Variants in THSD7A observed in about 807,000 individuals in gnomAD.
The protein encoded by THSD7A is thrombospondin type-1 domain-containing protein 7A.
A neutral mutation model predicts 231.3 loss-of-function variants in THSD7A; 96 were observed. The observed-to-expected ratio is 0.41, with a 90% CI of 0.35 to 0.49. THSD7A has a LOEUF of 0.49. Ranked by LOEUF, THSD7A falls within the 20% of genes least tolerant of loss-of-function variation. The probability of loss-of-function intolerance (pLI) is 0.05; values close to 1 mark genes in which losing one functional copy is unlikely to be tolerated. For synonymous variants in THSD7A, 940 were observed against 743.3 expected (o/e 1.26, Z -4.30); for missense variants, 2,290 against 2,070.2 (o/e 1.11, Z -2.06).
chr7:11,765,039 A>T (rs1782988612), intron 1 of THSD7A, among the ~76,000 whole-genome samples: 1 of 152,036 alleles, frequency 6.6e-6, no homozygotes, highest in Non-Finnish European at 1.5e-5. Flanking sequence ...AATATGTGGC[A>T]TAAGAAATGT....
intron 1 of THSD7A, among the ~76,000 whole-genome samples, chr7:11,783,816 T>A (rs1432632162): frequency 6.6e-6 from 1 of 152,134 alleles, no homozygotes; most frequent in Non-Finnish European, 1.5e-5. Context: ...ACTGCCTTCT[T>A]AATTAATATA....
At chr7:11,420,713 A>C (rs1784115407) in intron 16 of THSD7A, among the ~76,000 whole-genome samples, 1 of 152,198 alleles carries the variant, frequency 6.6e-6, no homozygotes, top group African/African-American at 2.4e-5. Context: ...GACAGCTTGC[A>C]CTGTGCACCT....
In THSD7A at chr7:11,760,253, A is replaced by C. The variant is rs369537604; in HGVS notation, c.190+71504T>G. 2.0e-5 allele frequency among the ~76,000 whole-genome samples: 3 copies of C among 152,128 alleles called. No homozygotes were observed. The South Asian group carries it at 6.2e-4, about 31-fold the overall frequency. On this transcript the variant is annotated intron_variant, in intron 1 of 27. Transcript: ENST00000423059. Reference sequence around the variant, plus strand: ...GGGAGATTTAGATGGATACAAGTAAAGTTAAGTACATTTGCACTGAGGCAA... The same window carrying C: ...GGGAGATTTAGATGGATACAAGTAACGTTAAGTACATTTGCACTGAGGCAA...
intron 1 of THSD7A, among the ~76,000 whole-genome samples, chr7:11,686,560 G>GT (rs749009312): frequency 2.0e-5 from 3 of 151,820 alleles, no homozygotes; most frequent in Non-Finnish European, 4.4e-5. Context: ...ACAATTCACA[G>GT]TAGTAAAGAC....
In THSD7A at chr7:11,818,762, T is replaced by C. The variant is rs1583316238; in HGVS notation, c.190+12995A>G. 8.5e-5 allele frequency among the ~76,000 whole-genome samples: 13 copies of C among 152,324 alleles called. No homozygotes were observed. In the South Asian group the frequency reaches 2.3e-3, roughly 27 times the overall value. On this transcript the variant is annotated intron_variant, in intron 1 of 27. Transcript: ENST00000423059. The stretch of plus-strand genomic sequence containing the variant: ...AGGCTTAACTTAATCTTTATTATAT[T>C]TGCCTATTTCCTTCTACTTTGGGAT...
At chr7:11,534,807 T>A (rs1234772621) in intron 6 of THSD7A, among the ~76,000 whole-genome samples, 2 of 152,200 alleles carry the variant, frequency 1.3e-5, no homozygotes, top group Non-Finnish European at 2.9e-5. Context: ...ATAACTAAAC[T>A]CCTGCCTAAT....
rs1396718226 is a variant in THSD7A, at chr7:11,446,443, T to G, written c.2801-119A>C. 8.7e-7 allele frequency: 1 copy of G among 1,148,640 alleles called. No individual in the cohort carries two copies. Among genetic ancestry groups the G allele is most frequent in the Non-Finnish European group, 1.2e-6 (1 of 814,574 alleles). 71.2% of individuals were successfully genotyped at this position (1,148,640 alleles called of 1,614,324 possible). ...CTTCATTTTTAACCATATTTAACAG[T>G]AGCCTATAAATCAATGCTATTTTCT... On this transcript the variant is annotated intron_variant, in intron 12 of 27. Coordinates refer to ENST00000423059, the MANE Select transcript of THSD7A (RefSeq NM_015204.3). The surrounding 1 kb of genome is among the most constrained non-coding windows in gnomAD (Gnocchi z 4.0).
chr7:11,620,057 A>G (rs1246133779), intron 2 of THSD7A, among the ~76,000 whole-genome samples: 1 of 152,202 alleles, frequency 6.6e-6, no homozygotes. Flanking sequence ...GGGTTGACAA[A>G]CGTGATCAAT....
intron 6 of THSD7A, among the ~76,000 whole-genome samples, chr7:11,508,685 G>T (rs1787661854): frequency 6.6e-6 from 1 of 152,160 alleles, no homozygotes; most frequent in African/African-American, 2.4e-5. Flanking sequence ...TCAACATGTG[G>T]TAACAACCTA....
chr7:11,476,553 G>A (rs982755479), intron 7 of THSD7A, among the ~76,000 whole-genome samples: 9 of 151,700 alleles, frequency 5.9e-5, no homozygotes, highest in African/African-American at 9.6e-5. Flanking sequence ...ACAGTGGCTC[G>A]TGCCTGTACT....
rs1011013977 is a variant in THSD7A, at chr7:11,401,701, C to T, written c.4411+94G>A. ...CGTTGGGATTACAGGCGTGAGCCAC[C>T]GCACGTGGCCAACTTTGTTTATTTT... On this transcript the variant is annotated intron_variant, in intron 23 of 27. Coordinates refer to ENST00000423059, the MANE Select transcript of THSD7A (RefSeq NM_015204.3). The T allele has an allele frequency of 3.5e-5, 42 of 1,216,660 alleles. No homozygotes were observed. In the Admixed American group the frequency reaches 5.5e-4, roughly 16 times the overall value. 75.4% of individuals were successfully genotyped at this position (1,216,660 alleles called of 1,614,324 possible).
At chr7:11,800,695 G>C (rs1216935410) in intron 1 of THSD7A, among the ~76,000 whole-genome samples, 4 of 152,196 alleles carry the variant, frequency 2.6e-5, no homozygotes, top group Admixed American at 1.3e-4. Flanking sequence ...CATAGAAGCA[G>C]AGAATAGAAT....
chr7:11,768,187 T>C (rs761273804), intron 1 of THSD7A, among the ~76,000 whole-genome samples: 1 of 152,202 alleles, frequency 6.6e-6, no homozygotes, highest in Non-Finnish European at 1.5e-5. Flanking sequence ...CTTATGTTAA[T>C]ATTGAGGTTG....
At chr7:11,801,706 G>A (rs2128181608) in intron 1 of THSD7A, among the ~76,000 whole-genome samples, 1 of 152,276 alleles carries the variant, frequency 6.6e-6, no homozygotes, top group Middle Eastern at 3.4e-3. Flanking sequence ...AAAATGAGTA[G>A]CTTGAAAGTA....
At position 11,406,439 on chromosome 7, in the gene THSD7A, G is replaced by T. The variant is rs1367191818; in HGVS notation, c.4098C>A (p.Asn1366Lys). 4.3e-6 allele frequency: 7 copies of T among 1,613,464 alleles called. No homozygotes were observed. The African/African-American group carries it at 9.3e-5, about 22-fold the overall frequency. Residue 1366 changes from asparagine (N) to lysine (K), a missense_variant, in exon 22 of 28, where the codon AAC (asparagine) becomes AAA (lysine). Coordinates refer to ENST00000423059, the MANE Select transcript of THSD7A (RefSeq NM_015204.3). The surrounding 1 kb of genome is among the most constrained non-coding windows in gnomAD (Gnocchi z 4.7). ...ACCCATCACTTACTACACAAGAAATGTTCCTTGTTCTGGTCCCTTCTCCAC... is the reference window on the plus strand; with the variant it reads ...ACCCATCACTTACTACACAAGAAATTTTCCTTGTTCTGGTCCCTTCTCCAC... The part of the protein sequence containing the change: ...AQCGEGTRTR[N>K]ISCVVSDGSA...
chr7:11,792,087 T>C (rs1238697050), intron 1 of THSD7A, among the ~76,000 whole-genome samples: 4 of 151,960 alleles, frequency 2.6e-5, no homozygotes, highest in African/African-American at 9.7e-5. Flanking sequence ...CCAGAATCCT[T>C]GGAACTGTCT....
chr7:11,808,153 ACC>A (rs1491352069), intron 1 of THSD7A, among the ~76,000 whole-genome samples: 2 of 80,114 alleles, frequency 2.5e-5, no homozygotes, highest in African/African-American at 6.6e-5. Context: ...TTAGAAAGAG[ACC>A]ACACACACAC....
intron 1 of THSD7A, among the ~76,000 whole-genome samples, chr7:11,723,208 C>T (rs1236975826): frequency 1.3e-5 from 2 of 151,650 alleles, no homozygotes; most frequent in South Asian, 2.1e-4. Flanking sequence ...CCATCATTCT[C>T]AGCAAACTAT....
chr7:11,662,033 A>C (rs1486733761), intron 1 of THSD7A, among the ~76,000 whole-genome samples: 1 of 151,248 alleles, frequency 6.6e-6, no homozygotes, highest in African/African-American at 2.4e-5. Flanking sequence ...TAATAAAAAT[A>C]ATCAGAGAAA....
Sources: allele counts gnomAD v4.1 joint callset (sites outside exome capture counted in the v4.1 genomes callset), GRCh38; gene constraint gnomAD v4.1.1; non-coding constraint Gnocchi (gnomAD v3.1); transcripts MANE v1.5; gene names NCBI Gene and HGNC (gene_info 2026-07-23, HGNC 2026-07-21).